ASIP: variants seen among roughly 807,000 people sequenced by gnomAD.
ASIP encodes the protein agouti signaling protein.
A neutral mutation model predicts 10.3 loss-of-function variants in ASIP; 11 were observed. The ratio of observed to expected loss-of-function variants is 1.07; its 90% confidence interval spans 0.68 to 1.78. The LOEUF (loss-of-function observed/expected upper bound fraction) is 1.78, where lower values mean the gene tolerates loss of function less well. Ranked by LOEUF, ASIP falls within the 40% of genes most tolerant of loss-of-function variation. The pLI is 0.00. For missense variants in ASIP, 180 were observed against 169.2 expected (o/e 1.06, Z -0.35); for synonymous variants, 70 against 70.8 (o/e 0.99, Z 0.06).
At chr20:34,208,029 G>A (rs749091005) in intron 1 of ASIP, among the ~76,000 whole-genome samples, 7 of 152,080 alleles carry the variant, frequency 4.6e-5, no homozygotes, top group South Asian at 2.1e-4. Context: ...CACCCGCCTC[G>A]GCTTTCCAAA....
At chr20:34,242,499 C>T (rs1279470340) in intron 1 of ASIP, among the ~76,000 whole-genome samples, 1 of 152,212 alleles carries the variant, frequency 6.6e-6, no homozygotes, top group Non-Finnish European at 1.5e-5. Flanking sequence ...TCCCAAAGTG[C>T]TGGGATTACA....
chr20:34,207,953 C>A (rs2034948298), intron 1 of ASIP, among the ~76,000 whole-genome samples: 1 of 151,832 alleles, frequency 6.6e-6, no homozygotes, highest in African/African-American at 2.4e-5. Context: ...CCACGCCTGG[C>A]TGATTTTTTG....
intron 1 of ASIP, among the ~76,000 whole-genome samples, chr20:34,260,063 C>A (rs2035662813): frequency 6.6e-6 from 1 of 152,130 alleles, no homozygotes; most frequent in Non-Finnish European, 1.5e-5. Context: ...TAAAAAAACA[C>A]ACAGAAGCAG....
At chr20:34,198,649 C>T (rs1443859732) in intron 1 of ASIP, among the ~76,000 whole-genome samples, 1 of 151,932 alleles carries the variant, frequency 6.6e-6, no homozygotes, top group East Asian at 1.9e-4. Flanking sequence ...CCATGCCCAG[C>T]TAATTTTTAA....
intron 1 of ASIP, among the ~76,000 whole-genome samples, chr20:34,218,947 GC>G (rs2035027509): frequency 6.6e-6 from 1 of 152,292 alleles, no homozygotes; most frequent in South Asian, 2.1e-4. Context: ...ACAGGTGTGA[GC>G]CACCACGCCT....
At chr20:34,232,956 C>T (rs1281602364) in intron 1 of ASIP, among the ~76,000 whole-genome samples, 1 of 152,156 alleles carries the variant, frequency 6.6e-6, no homozygotes, top group Non-Finnish European at 1.5e-5. Context: ...TAACTGTTCC[C>T]TACCTCTCCA....
At chr20:34,225,530 TC>T in intron 1 of ASIP, among the ~76,000 whole-genome samples, 2 of 152,136 alleles carry the variant, frequency 1.3e-5, no homozygotes, top group African/African-American at 4.8e-5. Context: ...TCACAGTTTT[TC>T]TCAGATCAAC....
chr20:34,240,957 G>C (rs2035276050), upstream of ASIP, among the ~76,000 whole-genome samples: 1 of 152,168 alleles, frequency 6.6e-6, no homozygotes. Context: ...AAAGCAAAGA[G>C]ATGAGGTGGG....
At chr20:34,234,460 G>GCTTT (rs747945133) in intron 1 of ASIP, among the ~76,000 whole-genome samples, 2 of 152,218 alleles carry the variant, frequency 1.3e-5, no homozygotes, top group South Asian at 2.1e-4. Flanking sequence ...GGCGCTATCA[G>GCTTT]CTTTCTTTCT....
intron 1 of ASIP, among the ~76,000 whole-genome samples, chr20:34,223,520 C>G: frequency 8.3e-6 from 1 of 120,724 alleles, no homozygotes; most frequent in African/African-American, 8.0e-5. Flanking sequence ...CCCCGCCCGG[C>G]CAGCCGTGCC....
chr20:34,260,561 G>C, intron 2 of ASIP, 27 bp downstream of exon 2: 4 of 1,578,778 alleles, frequency 2.5e-6, no homozygotes, highest in Non-Finnish European at 3.5e-6. Flanking sequence ...CTGGGCTCTG[G>C]CCCAGGAGAG....
chr20:34,257,070 CT>C (rs56227909), intron 1 of ASIP, among the ~76,000 whole-genome samples: 45 of 139,364 alleles, frequency 3.2e-4, no homozygotes, highest in Middle Eastern at 3.6e-3. Flanking sequence ...CTTTCTTTCT[CT>C]TTTTTTTTTT....
intron 1 of ASIP, among the ~76,000 whole-genome samples, chr20:34,200,278 G>T (rs558812014): frequency 6.6e-6 from 1 of 152,250 alleles, no homozygotes; most frequent in East Asian, 1.9e-4. Flanking sequence ...AGGTCCTCAG[G>T]CTGTAAAGAG....
chr20:34,220,892 T>C (rs976316352), intron 1 of ASIP, among the ~76,000 whole-genome samples: 2 of 152,006 alleles, frequency 1.3e-5, no homozygotes, highest in Non-Finnish European at 2.9e-5. Context: ...CCCTATGCTT[T>C]TGTCACTCCG....
At chr20:34,208,386 C>G (rs546961736) in intron 1 of ASIP, among the ~76,000 whole-genome samples, 2 of 151,656 alleles carry the variant, frequency 1.3e-5, no homozygotes, top group South Asian at 4.2e-4. Context: ...ACACAGTCTC[C>G]CTCTGTCACC....
At chr20:34,252,943 T>C (rs2035502489) in intron 1 of ASIP, among the ~76,000 whole-genome samples, 1 of 152,206 alleles carries the variant, frequency 6.6e-6, no homozygotes. Flanking sequence ...CCATTAAACT[T>C]TGATTCAATA....
At chr20:34,258,628 G>A (rs1403734953) in intron 1 of ASIP, among the ~76,000 whole-genome samples, 1 of 111,596 alleles carries the variant, frequency 9.0e-6, no homozygotes, top group Admixed American at 1.2e-4. Context: ...AAATCATGGT[G>A]GAGAGCCCCT....
chr20:34,246,603 C>T, intron 1 of ASIP: 1 of 660,444 alleles, frequency 1.5e-6, no homozygotes, highest in Non-Finnish European at 2.7e-6. Context: ...ACCACAGGCA[C>T]ATGCCACCAT....
intron 1 of ASIP, among the ~76,000 whole-genome samples, chr20:34,255,304 C>T (rs2035548435): frequency 6.6e-6 from 1 of 152,124 alleles, no homozygotes; most frequent in Admixed American, 6.5e-5. Flanking sequence ...CTTAATCTTC[C>T]CCAAACTCCT....
Sources: gnomAD v4.1 joint callset for allele counts (sites outside exome capture counted in the v4.1 genomes callset) on GRCh38, gnomAD v4.1.1 for gene constraint, MANE v1.5 for transcripts, NCBI Gene and HGNC (gene_info 2026-07-23, HGNC 2026-07-21) for gene names.